The following SCTR variants were observed in gnomAD, a reference collection of about 807,000 sequenced individuals.
SCTR encodes secretin receptor.
A neutral mutation model predicts 60.8 loss-of-function variants in SCTR; 56 were observed. The observed-to-expected ratio is 0.92, with a 90% confidence interval of 0.74 to 1.15. The LOEUF (loss-of-function observed/expected upper bound fraction) is 1.15. Ranked by LOEUF, SCTR falls within the 50% of genes most tolerant of loss-of-function variation. The probability of loss-of-function intolerance (pLI) is 0.00; values close to 1 mark genes in which losing one functional copy is unlikely to be tolerated. For missense variants in SCTR, 562 were observed against 550.4 expected (o/e 1.02, Z -0.21); for synonymous variants, 202 against 217.0 (o/e 0.93, Z 0.61).
In SCTR at chr2:119,457,901, A is replaced by C. The variant is rs1470413168; in HGVS notation, c.790+3946T>G. The stretch of plus-strand genomic sequence containing the variant: ...GGCTGAGCTCGGGAATAAGAAGTGA[A>C]GGCAGGAGATTTAGCTTTTGTTTAT... On this transcript the variant is annotated intron_variant, in intron 7 of 12. Transcript: ENST00000019103. 3.9e-5 allele frequency among the ~76,000 whole-genome samples: 6 copies of C among 152,220 alleles called. No individual in the cohort carries two copies. In the East Asian group the frequency reaches 1.2e-3, roughly 29 times the overall value.
At chr2:119,508,117 G>A (rs184847935) in intron 1 of SCTR, among the ~76,000 whole-genome samples, 7 of 152,276 alleles carry the variant, frequency 4.6e-5, no homozygotes, top group Admixed American at 3.9e-4. Context: ...TTAGATTCTA[G>A]CAATGGATTG....
chr2:119,444,430 AATATACACATATATATACGTACGTATAT>A (rs201213318), intron 11 of SCTR, among the ~76,000 whole-genome samples: 2 of 73,738 alleles, frequency 2.7e-5, no homozygotes, highest in African/African-American at 5.9e-5. Flanking sequence ...TATACGTATG[AATATACACATATATATACGTACGTATAT>A]ATATACACAT....
intron 4 of SCTR, among the ~76,000 whole-genome samples, chr2:119,466,201 C>T (rs1683828259): frequency 1.3e-5 from 2 of 152,110 alleles, no homozygotes; most frequent in African/African-American, 2.4e-5. Context: ...AGACAAAGTG[C>T]TCACTGCCCT....
chr2:119,449,992 G>A (rs1341075759), intron 9 of SCTR, among the ~76,000 whole-genome samples: 1 of 131,732 alleles, frequency 7.6e-6, no homozygotes. Context: ...AAGGAAGGAA[G>A]GAAGAAAGAG....
chr2:119,477,923 C>T (rs1441323561), intron 3 of SCTR, among the ~76,000 whole-genome samples: 3 of 152,174 alleles, frequency 2.0e-5, no homozygotes, highest in Admixed American at 2.0e-4. Flanking sequence ...TTCGAGGGAG[C>T]AGCATGTTCC....
At chr2:119,459,456 G>T (rs1354613326) in intron 7 of SCTR, among the ~76,000 whole-genome samples, 1 of 151,906 alleles carries the variant, frequency 6.6e-6, no homozygotes, top group African/African-American at 2.4e-5. Context: ...TACAGTAGGG[G>T]TGTACCCATT....
At chr2:119,493,681 GC>G (rs1355519328) in intron 2 of SCTR, among the ~76,000 whole-genome samples, 6 of 117,082 alleles carry the variant, frequency 5.1e-5, no homozygotes, top group African/African-American at 1.3e-4. Flanking sequence ...CACTCTTGTT[GC>G]CCAGGCTGGA....
intron 1 of SCTR, among the ~76,000 whole-genome samples, chr2:119,514,682 C>G (rs1246096867): frequency 6.6e-6 from 1 of 152,052 alleles, no homozygotes; most frequent in Non-Finnish European, 1.5e-5. Flanking sequence ...TTGAGACCAG[C>G]CTGACCAACA....
intron 11 of SCTR, among the ~76,000 whole-genome samples, chr2:119,446,459 T>C (rs1424468832): frequency 6.6e-6 from 1 of 152,202 alleles, no homozygotes; most frequent in Non-Finnish European, 1.5e-5. Flanking sequence ...GCTTACGTTA[T>C]TTTGACCATG....
chr2:119,457,785 A>G (rs1683430328), intron 7 of SCTR, among the ~76,000 whole-genome samples: 1 of 152,240 alleles, frequency 6.6e-6, no homozygotes, highest in South Asian at 2.1e-4. Context: ...TCAAACAGAC[A>G]AATCAAGAAA....
intron 1 of SCTR, among the ~76,000 whole-genome samples, chr2:119,502,032 G>A (rs1678570898): frequency 6.6e-6 from 1 of 152,200 alleles, no homozygotes; most frequent in Non-Finnish European, 1.5e-5. Flanking sequence ...AAGGTAGGTG[G>A]ATTGCTTGAA....
chr2:119,458,086 G>C (rs993703228), intron 7 of SCTR, among the ~76,000 whole-genome samples: 7 of 152,026 alleles, frequency 4.6e-5, no homozygotes, highest in African/African-American at 1.7e-4. Context: ...TTGAGGCCAG[G>C]AGTTCAAGAC....
chr2:119,453,887 T>G (rs909483261), intron 7 of SCTR, among the ~76,000 whole-genome samples: 7 of 152,208 alleles, frequency 4.6e-5, no homozygotes, highest in African/African-American at 1.7e-4. Flanking sequence ...GGACTAGAGA[T>G]GAGATCAAGT....
At chr2:119,499,821 C>T (rs1434663918) in intron 1 of SCTR, among the ~76,000 whole-genome samples, 1 of 151,950 alleles carries the variant, frequency 6.6e-6, no homozygotes, top group Non-Finnish European at 1.5e-5. Flanking sequence ...CAGCTAAAAC[C>T]ATACTTAATG....
chr2:119,511,227 A>G (rs894320716), intron 1 of SCTR, among the ~76,000 whole-genome samples: 3 of 151,974 alleles, frequency 2.0e-5, no homozygotes, highest in Non-Finnish European at 2.9e-5. Flanking sequence ...AAAAAAAATT[A>G]TATTCTTTTA....
chr2:119,475,504 C>T (rs1204272028), intron 3 of SCTR, among the ~76,000 whole-genome samples: 3 of 151,988 alleles, frequency 2.0e-5, no homozygotes, highest in East Asian at 1.9e-4. Context: ...AAGCAGCTGC[C>T]TCCCCACTTC....
intron 1 of SCTR, among the ~76,000 whole-genome samples, chr2:119,523,541 C>T (rs1679356815): frequency 6.6e-6 from 1 of 151,894 alleles, no homozygotes; most frequent in East Asian, 1.9e-4. Flanking sequence ...CCACACGAGA[C>T]GGTGTGGGGA....
chr2:119,484,635 A>AATACTTTCTGG (rs1677782369), intron 2 of SCTR: 1 of 28,396 alleles, frequency 3.5e-5, no homozygotes, highest in African/African-American at 1.5e-4. Context: ...ATACTTTCTG[A>AATACTTTCTGG]TCCATCAATC....
chr2:119,470,781 A>C (rs1676975440), intron 4 of SCTR, among the ~76,000 whole-genome samples: 1 of 152,060 alleles, frequency 6.6e-6, no homozygotes, highest in African/African-American at 2.4e-5. Context: ...GCTCACTGCA[A>C]CCTCTACCTC....
Sources: allele counts gnomAD v4.1 joint callset (sites outside exome capture counted in the v4.1 genomes callset), GRCh38; gene constraint gnomAD v4.1.1; transcripts MANE v1.5; gene names NCBI Gene and HGNC (gene_info 2026-07-23, HGNC 2026-07-21).